The following TCF7L2 variants were observed in gnomAD, a reference collection of about 807,000 sequenced individuals.
TCF7L2 encodes transcription factor 7-like 2.
Under a neutral mutation model 77.9 loss-of-function variants are expected in TCF7L2, and 23 were observed. The observed-to-expected ratio is 0.30, with a 90% CI of 0.21 to 0.42. TCF7L2 has a LOEUF of 0.42. Ranked by LOEUF, TCF7L2 falls within the 10% of genes least tolerant of loss-of-function variation. The pLI is 1.00. For synonymous variants in TCF7L2, 413 were observed against 340.2 expected (o/e 1.21, Z -2.36); for missense variants, 654 against 793.1 (o/e 0.82, Z 2.11).
At chr10:113,117,470 C>G (rs28454714) in intron 5 of TCF7L2, among the ~76,000 whole-genome samples, 1 of 127,402 alleles carries the variant, frequency 7.8e-6, no homozygotes. Flanking sequence ...CTCCCCCCAA[C>G]AAATATAGCT....
chr10:112,966,337 A>G (rs1273512385), intron 4 of TCF7L2, among the ~76,000 whole-genome samples: 1 of 151,590 alleles, frequency 6.6e-6, no homozygotes, highest in Non-Finnish European at 1.5e-5. Flanking sequence ...ACATGTCTTT[A>G]ACTTGAGGCT....
intron 5 of TCF7L2, among the ~76,000 whole-genome samples, chr10:113,072,797 C>T (rs778362819): frequency 4.6e-5 from 7 of 152,150 alleles, no homozygotes; most frequent in Non-Finnish European, 7.3e-5. Context: ...GTTCTTGCCT[C>T]GATCTGTAGC....
rs143161951 is a variant in TCF7L2 at position 113,000,934 on chromosome 10, A to G, written c.450+36310A>G. Among the ~76,000 whole-genome samples, 705 of 152,222 alleles carry G rather than the reference A, an allele frequency of 4.6e-3. 11 individuals carry two copies. The highest frequency in any genetic ancestry group is 0.016 in the African/African-American group (675 of 41,552). ...CCCACCCTTCACTTCCCGGCCTTCC[A>G]CTGCAGTCTCTAAGGATTCTGCTTC... is the stretch of plus-strand genomic sequence containing the variant. On this transcript the variant is annotated intron_variant, in intron 4 of 13. Transcript: ENST00000627217.
intron 5 of TCF7L2, among the ~76,000 whole-genome samples, chr10:113,089,791 C>T (rs2060185154): frequency 6.6e-6 from 1 of 152,128 alleles, no homozygotes. Context: ...ATGCCTGGCT[C>T]CCAGTGAAGG....
At chr10:113,045,562 G>C (rs765627353) in intron 5 of TCF7L2, among the ~76,000 whole-genome samples, 1 of 152,140 alleles carries the variant, frequency 6.6e-6, no homozygotes. Context: ...GGCTTTGCTG[G>C]AGAGTGGGAC....
At position 112,966,184 on chromosome 10, in the gene TCF7L2, T is replaced by TTATATATATTTATATATATATATA. The variant is rs1477073663; in HGVS notation, c.450+1569_450+1570insTTATATATATATATATATATATAT. On this transcript the variant is annotated intron_variant, in intron 4 of 13. Transcript: ENST00000627217. ...GAGTGAGACTCTGTCTAAAATATATTTATATATATATATATATATATATAT... is the reference window on the plus strand; with the variant it reads ...GAGTGAGACTCTGTCTAAAATATATTTATATATATTTATATATATATATATATATATATATATATATATATATAT... 3.0e-3 allele frequency among the ~76,000 whole-genome samples: 346 copies of TTATATATATTTATATATATATATA among 114,206 alleles called. 10 individuals are homozygous for TTATATATATTTATATATATATATA. The highest frequency in any genetic ancestry group is 0.014 in the South Asian group (54 of 3,842). The allele number at this position is 114,206 out of a possible 152,430, so 74.9% of individuals were successfully genotyped here.
In TCF7L2 at chr10:113,165,823, G is replaced by A. The variant is rs368560561; in HGVS notation, c.1660G>A (p.Gly554Arg). The A allele has an allele frequency of 1.1e-5, 18 of 1,606,194 alleles. No homozygotes were observed. The highest frequency in any genetic ancestry group is 1.7e-4 in the Middle Eastern group (1 of 6,038). Residue 554 changes from glycine to arginine, a missense_variant, in exon 14 of 14, where the codon GGG becomes AGG. Coordinates refer to ENST00000627217, the MANE Select transcript of TCF7L2 (RefSeq NM_001146274.2). ...CAAGGCCTCCGCCCTCTGTCCCAAC[G>A]GGGCCCTGGACCTGCCCCCAGCCGC...
intron 3 of TCF7L2, among the ~76,000 whole-genome samples, chr10:112,956,443 T>G (rs2033646046): frequency 6.6e-6 from 1 of 151,392 alleles, no homozygotes; most frequent in South Asian, 2.1e-4. Context: ...GTGAGTGGCA[T>G]TAGATAATAT....
intron 4 of TCF7L2, among the ~76,000 whole-genome samples, chr10:113,012,588 A>G: frequency 6.6e-6 from 1 of 152,128 alleles, no homozygotes; most frequent in East Asian, 1.9e-4. Flanking sequence ...AGAACCCAAA[A>G]CTGAAATGTC....
At chr10:113,011,990 G>A (rs545265903) in intron 4 of TCF7L2, among the ~76,000 whole-genome samples, 1 of 152,334 alleles carries the variant, frequency 6.6e-6, no homozygotes, top group South Asian at 2.1e-4. Flanking sequence ...ACCGCCTCAA[G>A]TATTGCTCTT....
Position 113,151,198 on chromosome 10 carries a change from G to T in TCF7L2, c.1001+75G>T. On this transcript the variant is annotated intron_variant, in intron 9 of 13. Transcript: ENST00000627217. The surrounding 1 kb of genome is among the most constrained non-coding windows in gnomAD (Gnocchi z 5.2). The stretch of plus-strand genomic sequence containing the variant: ...AGCCTGTTGCAGCTGCTGGGTGGTG[G>T]CTTTCTGCCTAAGGTTGGCCTCGTT... The T allele has an allele frequency of 6.2e-7, 1 of 1,600,924 alleles. No individual in the cohort carries two copies. Among genetic ancestry groups the T allele is most frequent in the African/African-American group, 1.3e-5 (1 of 74,878 alleles).
At chr10:112,969,865 GATA>G (rs1260091122) in intron 4 of TCF7L2, among the ~76,000 whole-genome samples, 3 of 152,188 alleles carry the variant, frequency 2.0e-5, no homozygotes, top group Non-Finnish European at 4.4e-5. Context: ...GGTGATTGTA[GATA>G]ATGTTTAGGC....
intron 12 of TCF7L2, among the ~76,000 whole-genome samples, chr10:113,159,200 G>A (rs2072609830): frequency 6.6e-6 from 1 of 151,278 alleles, no homozygotes. Context: ...TAATTTGCAA[G>A]TCCACTAGCA....
At chr10:113,024,608 T>C (rs2048798871) in intron 4 of TCF7L2, among the ~76,000 whole-genome samples, 1 of 149,806 alleles carries the variant, frequency 6.7e-6, no homozygotes, top group Non-Finnish European at 1.5e-5. Context: ...TTATGTTTTA[T>C]ATAAACCCTT....
chr10:112,961,254 A>ACCGCCCCCCCCCCCCCCCCCCCCCC (rs1349844083), intron 3 of TCF7L2, among the ~76,000 whole-genome samples: 1 of 60,482 alleles, frequency 1.7e-5, no homozygotes, highest in African/African-American at 1.5e-4. Context: ...ACCTCAGGTG[A>ACCGCCCCCCCCCCCCCCCCCCCCCC]CCCCCCCCCC....
At chr10:113,136,550 C>T (rs888666160) in intron 5 of TCF7L2, among the ~76,000 whole-genome samples, 8 of 152,244 alleles carry the variant, frequency 5.3e-5, no homozygotes, top group Middle Eastern at 3.4e-3. Flanking sequence ...AACATTGGTT[C>T]GCTGTCACTG....
At chr10:113,106,471 G>A (rs982478823) in intron 5 of TCF7L2, among the ~76,000 whole-genome samples, 1 of 152,114 alleles carries the variant, frequency 6.6e-6, no homozygotes, top group Non-Finnish European at 1.5e-5. Context: ...TAATTTCAAG[G>A]TCTTTCTGGA....
At chr10:113,160,774 C>A in intron 13 of TCF7L2, 1 of 1,297,016 alleles carries the variant, frequency 7.7e-7, no homozygotes, top group Non-Finnish European at 1.1e-6. Flanking sequence ...ATTTTGACCT[C>A]GTTCCCCATC....
chr10:113,138,011 G>A (rs998404520), intron 5 of TCF7L2, among the ~76,000 whole-genome samples: 1 of 152,214 alleles, frequency 6.6e-6, no homozygotes, highest in African/African-American at 2.4e-5. Context: ...AGGATTCCAG[G>A]TAGAGGCAGG....
Sources: allele counts gnomAD v4.1 joint callset (sites outside exome capture counted in the v4.1 genomes callset), GRCh38; gene constraint gnomAD v4.1.1; non-coding constraint Gnocchi (gnomAD v3.1); transcripts MANE v1.5; gene names NCBI Gene and HGNC (gene_info 2026-07-23, HGNC 2026-07-21).